Variants in SLC25A39 observed in about 807,000 individuals in gnomAD.
SLC25A39 encodes mitochondrial glutathione transporter SLC25A39.
In SLC25A39, 44 loss-of-function variants were observed where a neutral mutation model predicts 46.6. The ratio of observed to expected loss-of-function variants is 0.94; its 90% CI spans 0.74 to 1.21. SLC25A39 has a LOEUF of 1.21. Among genes scored for constraint, SLC25A39 ranks in the 50% most tolerant of loss-of-function variants. SLC25A39 has a pLI of 0.00. For synonymous variants in SLC25A39, 218 were observed against 190.6 expected (o/e 1.14, Z -1.19); for missense variants, 487 against 473.0 (o/e 1.03, Z -0.28).
Position 44,322,809 on chromosome 17 carries a change from T to C in SLC25A39, c.189A>G (p.Lys63=). The change falls in exon 4 of 12, where the codon AAA becomes AAG. Residue 63 remains lysine, a splice_region_variant and synonymous_variant. Coordinates refer to ENST00000377095, the MANE Select transcript of SLC25A39 (RefSeq NM_001143780.3). ...SSRLWSLSYT[K]LPSSLQSTGK... ...CTCCCTGTGGCTTGGGGCACTCACA[T>C]TTGGTATAGGAGAGGCTCCACAGTC... 1 of 1,613,976 alleles carries C rather than the reference T, an allele frequency of 6.2e-7. No homozygotes were observed. Among genetic ancestry groups the C allele is most frequent in the Middle Eastern group, 1.6e-4 (1 of 6,062 alleles).
chr17:44,319,846 C>T lies in SLC25A39; in HGVS notation c.*155G>A, dbSNP rs2047958314. ...AAGTTGTGTCTGAGGAAGTGCTGGG[C>T]CGCCCAGAGGGACAGCCCTGCCCTG... On this transcript the variant is annotated 3_prime_UTR_variant, in exon 12 of 12. Coordinates refer to ENST00000377095, the MANE Select transcript of SLC25A39 (RefSeq NM_001143780.3). 1.5e-6 allele frequency: 1 copy of T among 651,240 alleles called. No homozygotes were observed. 40.3% of individuals were successfully genotyped at this position (651,240 alleles called of 1,614,324 possible). A position where few individuals can be genotyped will look rare whatever the true frequency, so the allele number is the denominator to read the frequency against.
rs780447423 is a variant in SLC25A39, at chr17:44,320,198, G to A, written c.962C>T (p.Ala321Val). 8 of 1,613,862 alleles carry A rather than the reference G, an allele frequency of 5.0e-6. No individual in the cohort carries two copies. Among genetic ancestry groups the A allele is most frequent in the South Asian group, 4.4e-5 (4 of 91,084 alleles). Reference protein sequence around the residue: ...RAESGTKGLFAGFLPRIIKAA... With the variant: ...RAESGTKGLFVGFLPRIIKAA... Reference sequence around the variant, plus strand: ...ACCCCCGACACCCACACACTGACCTGCAAAGAGTCCCTTGGTGCCCGACTC... The same window carrying A: ...ACCCCCGACACCCACACACTGACCTACAAAGAGTCCCTTGGTGCCCGACTC... The change falls in exon 11 of 12, where the codon GCA becomes GTA. Residue 321 changes from alanine to valine, a missense_variant and splice_region_variant. By Grantham distance (64) the Ala-to-Val change is moderately conservative (BLOSUM62 0). Coordinates refer to ENST00000377095, the MANE Select transcript of SLC25A39 (RefSeq NM_001143780.3).
intron 1 of SLC25A39, chr17:44,323,798 C>T: frequency 5.5e-6 from 3 of 548,138 alleles, no homozygotes; most frequent in South Asian, 2.3e-5. Flanking sequence ...CGCACCACCA[C>T]GCCTAGTTAA....
At position 44,322,819 on chromosome 17, in the gene SLC25A39, G is replaced by A. The variant is rs1198061889; in HGVS notation, c.179C>T (p.Ser60Phe). Residue 60 changes from serine to phenylalanine, a missense_variant, in exon 4 of 12, where the codon TCC (serine) becomes TTC (phenylalanine). Ser to Phe is a radical substitution (Grantham distance 155). Coordinates refer to ENST00000377095, the MANE Select transcript of SLC25A39 (RefSeq NM_001143780.3). ...LMPSSRLWSL[S>F]YTKLPSSLQS... ...CTTGGGGCACTCACATTTGGTATAG[G>A]AGAGGCTCCACAGTCTGGAGGAAGG... 1.9e-6 allele frequency: 3 copies of A among 1,614,018 alleles called. No individual in the cohort carries two copies. Among genetic ancestry groups the A allele is most frequent in the South Asian group, 1.1e-5 (1 of 91,068 alleles).
In SLC25A39 at chr17:44,321,687, C is replaced by T. The variant is rs1567867852; in HGVS notation, c.392+13G>A. 1.9e-6 allele frequency: 3 copies of T among 1,610,228 alleles called. No individual in the cohort carries two copies. In the Admixed American group the frequency reaches 5.0e-5, roughly 27 times the overall value. ...AGTACCAGAGGAGAGTGGTGCAGGA[C>T]CCGGCTACTCACAGGGTGGCGGGGA... On this transcript the variant is annotated intron_variant, in intron 6 of 11. Transcript: ENST00000377095.
intron 11 of SLC25A39, 27 bp downstream of exon 11, chr17:44,320,169 C>T (rs1034154362): frequency 4.3e-6 from 7 of 1,613,550 alleles, no homozygotes; most frequent in African/African-American, 1.3e-5. Flanking sequence ...TCCGCCATGC[C>T]CCCACCCCCG....
At position 44,321,740 on chromosome 17, in the gene SLC25A39, C is replaced by G; in HGVS notation, c.352G>C (p.Glu118Gln). The G allele has an allele frequency of 1.9e-6, 3 of 1,612,536 alleles. No individual in the cohort carries two copies. The highest frequency in any genetic ancestry group is 2.5e-6 in the Non-Finnish European group (3 of 1,179,238). The change falls in exon 6 of 12, where the codon GAG (glutamate) becomes CAG (glutamine). Residue 118 changes from glutamate (E) to glutamine (Q), a missense_variant. Physicochemically the swap from Glu to Gln is conservative, Grantham distance 29. Transcript: ENST00000377095. ...MDAFVKIVRH[E>Q]GTRTLWSGLP... ...CCGCTCCAGAGGGTCCTGGTGCCCT[C>G]GTGCCTCACGATCTTCACGAAGGCA...
chr17:44,322,375 C>G, intron 5 of SLC25A39, 44 bp downstream of exon 5: 1 of 1,612,294 alleles, frequency 6.2e-7, no homozygotes, highest in Non-Finnish European at 8.5e-7. Flanking sequence ...GACCGAACTC[C>G]TCACGGACAC....
chr17:44,319,881 G>C lies in SLC25A39; in HGVS notation c.*120C>G. ...GGACAGCCCTGCCCTGGAGCTTGTC[G>C]CCGGGAGGGAAGGGAAACAAGCCCC... On this transcript the variant is annotated 3_prime_UTR_variant, in exon 12 of 12. Transcript: ENST00000377095. 1 of 912,414 alleles carries C rather than the reference G, an allele frequency of 1.1e-6. No homozygotes were observed. The highest frequency in any genetic ancestry group is 1.7e-6 in the Non-Finnish European group (1 of 593,298). The allele number at this position is 912,414 out of a possible 1,614,324, so 56.5% of individuals were successfully genotyped here. A position where few individuals can be genotyped will look rare whatever the true frequency, so the allele number is the denominator to read the frequency against.
intron 4 of SLC25A39, 100 bp downstream of exon 4, chr17:44,322,708 C>G (rs1364800563): frequency 1.3e-6 from 2 of 1,579,348 alleles, no homozygotes; most frequent in Non-Finnish European, 1.7e-6. Context: ...GGAGTATATG[C>G]TAGTCCATGG....
chr17:44,323,445 ACCC>A, intron 2 of SLC25A39, 30 bp downstream of exon 2: 24 of 333,676 alleles, frequency 7.2e-5, no homozygotes, highest in Non-Finnish European at 9.5e-5. Context: ...CCCCATCCCC[ACCC>A]GCCCCCACCC....
rs376488686 is a variant in SLC25A39, at chr17:44,322,818, G to A, written c.180C>T (p.Ser60=). The change falls in exon 4 of 12, where the codon TCC becomes TCT. Residue 60 remains serine (S), a synonymous_variant. Transcript: ENST00000377095. ...GCTTGGGGCACTCACATTTGGTATA[G>A]GAGAGGCTCCACAGTCTGGAGGAAG... ...LMPSSRLWSL[S]YTKLPSSLQS... 7 of 1,614,038 alleles carry A rather than the reference G, an allele frequency of 4.3e-6. No individual in the cohort carries two copies. The highest frequency in any genetic ancestry group is 5.9e-6 in the Non-Finnish European group (7 of 1,179,968).
In SLC25A39 at chr17:44,323,340, G is replaced by A. The variant is rs2048115891; in HGVS notation, c.89C>T (p.Thr30Ile). The A allele has an allele frequency of 1.2e-6, 2 of 1,610,906 alleles. No homozygotes were observed. Among genetic ancestry groups the A allele is most frequent in the Non-Finnish European group, 8.5e-7 (1 of 1,178,554 alleles). ...TGAVVTSLFM[T>I]PLDVVKVRLQ... ...GCGAACCTTCACCACGTCCAGGGGTGTCACTGGGGGAGGAAGCGGGTCTGA... is the reference window on the plus strand; with the variant it reads ...GCGAACCTTCACCACGTCCAGGGGTATCACTGGGGGAGGAAGCGGGTCTGA... The change falls in exon 3 of 12, where the codon ACA (threonine) becomes ATA (isoleucine). Residue 30 changes from threonine (T) to isoleucine (I), a missense_variant. Transcript: ENST00000377095.
At chr17:44,322,750 G>A (rs2048091297) in intron 4 of SLC25A39, 58 bp downstream of exon 4, 1 of 1,612,346 alleles carries the variant, frequency 6.2e-7, no homozygotes, top group Non-Finnish European at 8.5e-7. Context: ...TGGGGACAGG[G>A]ACAAGGACTG....
chr17:44,320,322 C>A (rs771245625), intron 10 of SLC25A39, 33 bp downstream of exon 10: 1 of 1,613,454 alleles, frequency 6.2e-7, no homozygotes, highest in South Asian at 1.1e-5. Flanking sequence ...CAGGACCCCA[C>A]CTGTCCCCTG....
rs1449664271 is a variant in SLC25A39, at chr17:44,320,411, A to G, written c.827T>C (p.Phe276Ser). 6.2e-7 allele frequency: 1 copy of G among 1,613,566 alleles called. No individual in the cohort carries two copies. Among genetic ancestry groups the G allele is most frequent in the East Asian group, 2.2e-5 (1 of 44,880 alleles). The part of the protein sequence containing the change: ...GTVAAVLTLP[F>S]DVVKTQRQVA... The stretch of plus-strand genomic sequence containing the variant: ...CTGGCGTTGGGTCTTTACCACGTCA[A>G]AGGGTAGAGTCAGCACTGCAGCCAC... Residue 276 changes from phenylalanine (F) to serine (S), a missense_variant, in exon 10 of 12, where the codon TTT becomes TCT. Coordinates refer to ENST00000377095, the MANE Select transcript of SLC25A39 (RefSeq NM_001143780.3).
intron 9 of SLC25A39, 64 bp from the exon 10 acceptor site, chr17:44,320,500 A>G: frequency 6.3e-7 from 1 of 1,597,000 alleles, no homozygotes; most frequent in Non-Finnish European, 8.6e-7. Context: ...TACCTCCCAG[A>G]TGGCTCTTGC....
rs1456981350 is a variant in SLC25A39, at chr17:44,321,844, C to T, written c.325-77G>A. On this transcript the variant is annotated intron_variant, in intron 5 of 11. Transcript: ENST00000377095. ...TGTGATGGGGCTGGCCCAGGCTAGGCCTTTGCCTGACGCCCTCAGCCTCTG... is the reference window on the plus strand; with the variant it reads ...TGTGATGGGGCTGGCCCAGGCTAGGTCTTTGCCTGACGCCCTCAGCCTCTG... The T allele has an allele frequency of 3.4e-6, 5 of 1,467,518 alleles. No individual in the cohort carries two copies. The Admixed American group carries it at 1.0e-4, about 30-fold the overall frequency. 90.9% of individuals were successfully genotyped at this position (1,467,518 alleles called of 1,614,324 possible).
At position 44,319,824 on chromosome 17, in the gene SLC25A39, T is replaced by G. The variant is rs113619044; in HGVS notation, c.*177A>C. ...CCACGACTGGAGCAGCAGGAAGAAG[T>G]TGTGTCTGAGGAAGTGCTGGGCCGC... On this transcript the variant is annotated 3_prime_UTR_variant, in exon 12 of 12. Transcript: ENST00000377095. 1.7e-6 allele frequency: 1 copy of G among 596,154 alleles called. No individual in the cohort carries two copies. Among genetic ancestry groups the G allele is most frequent in the Admixed American group, 3.0e-5 (1 of 33,666 alleles). The allele number at this position is 596,154 out of a possible 1,614,324, so 36.9% of individuals were successfully genotyped here.
Sources: allele counts gnomAD v4.1 joint callset, GRCh38; gene constraint gnomAD v4.1.1; transcripts MANE v1.5; gene names NCBI Gene and HGNC (gene_info 2026-07-23, HGNC 2026-07-21).